Variants in C1GALT1 observed in about 807,000 individuals in gnomAD.
The protein encoded by C1GALT1 is core 1 synthase, glycoprotein-N-acetylgalactosamine 3-beta-galactosyltransferase 1.
C1GALT1 carries 11 observed loss-of-function variants against 31.0 expected under a neutral mutation model. The observed-to-expected ratio is 0.36, with a 90% CI of 0.22 to 0.59. C1GALT1 has a LOEUF of 0.59. Ranked by LOEUF, C1GALT1 falls within the 20% of genes least tolerant of loss-of-function variation. The pLI, the probability that C1GALT1 is intolerant of heterozygous loss-of-function variation, is 0.79. For synonymous variants in C1GALT1, 175 were observed against 143.6 expected, an observed-to-expected ratio of 1.22 and a Z score of -1.56; for missense variants, 424 against 425.2, an observed-to-expected ratio of 1.00 and a Z score of 0.03.
chr7:7,178,141 G>C (rs1780524930), upstream of C1GALT1: 1 of 201,606 alleles, frequency 5.0e-6, no homozygotes, highest in South Asian at 8.9e-5. Flanking sequence ...TTCTGCAACA[G>C]AGGGCTTTGA....
At chr7:7,170,751 C>T (rs1296064105) in intron 2 of C1GALT1, among the ~76,000 whole-genome samples, 1 of 152,210 alleles carries the variant, frequency 6.6e-6, no homozygotes, top group Non-Finnish European at 1.5e-5. Context: ...CACTGCACTC[C>T]AGCCTGGGTG....
At chr7:7,187,420 C>T (rs202147977) in intron 1 of C1GALT1, among the ~76,000 whole-genome samples, 8 of 145,710 alleles carry the variant, frequency 5.5e-5, no homozygotes, top group Non-Finnish European at 1.1e-4. Context: ...CAGCTAATTT[C>T]TTTTTTTTTT....
At chr7:7,168,194 G>A (rs1355941775) in intron 2 of C1GALT1, among the ~76,000 whole-genome samples, 1 of 152,186 alleles carries the variant, frequency 6.6e-6, no homozygotes, top group Non-Finnish European at 1.5e-5. Flanking sequence ...GACAGAAATT[G>A]GAAATTTAGA....
intron 2 of C1GALT1, among the ~76,000 whole-genome samples, chr7:7,165,910 T>C (rs1382532968): frequency 2.6e-5 from 4 of 152,178 alleles, no homozygotes; most frequent in African/African-American, 9.7e-5. Flanking sequence ...CATCAGGTTA[T>C]GTGTATAAGG....
At chr7:7,230,622 CTTTTT>C (rs57276821) in intron 1 of C1GALT1, among the ~76,000 whole-genome samples, 2 of 121,516 alleles carry the variant, frequency 1.6e-5, no homozygotes, top group Non-Finnish European at 3.4e-5. Flanking sequence ...TCTATATTCC[CTTTTT>C]TTTTTTTTTT....
chr7:7,212,281 C>G (rs1782041401), intron 1 of C1GALT1, among the ~76,000 whole-genome samples: 1 of 151,270 alleles, frequency 6.6e-6, no homozygotes, highest in Non-Finnish European at 1.5e-5. Context: ...ACTGTGTAGA[C>G]AAGGTATGAT....
rs1239049745 is a variant in C1GALT1 at position 7,234,493 on chromosome 7, T to C, written c.174T>C (p.His58=). The C allele has an allele frequency of 1.2e-6, 2 of 1,613,824 alleles. No homozygotes were observed. Among genetic ancestry groups the C allele is most frequent in the Non-Finnish European group, 1.7e-6 (2 of 1,179,784 alleles). ...ATTCAGATGATAATGGACAGAATCA[T>C]CTAGAAGGACAAATGAACTTCAATG... ...ARHSDDNGQN[H]LEGQMNFNAD... Residue 58 remains histidine, a synonymous_variant, in exon 2 of 4, where the codon CAT becomes CAC. Coordinates refer to ENST00000436587, the MANE Select transcript of C1GALT1 (RefSeq NM_020156.5).
chr7:7,198,472 A>T (rs1781395312), intron 1 of C1GALT1, among the ~76,000 whole-genome samples: 1 of 152,188 alleles, frequency 6.6e-6, no homozygotes. Context: ...CATATTCATC[A>T]GGGATATTGG....
chr7:7,178,456 A>T (rs1261806592), upstream of C1GALT1: 1 of 164,366 alleles, frequency 6.1e-6, no homozygotes, highest in Non-Finnish European at 1.4e-5. Context: ...GTTTCAAGAC[A>T]TGGTTTAATT....
chr7:7,196,940 T>C (rs1781316824), intron 1 of C1GALT1, among the ~76,000 whole-genome samples: 1 of 151,494 alleles, frequency 6.6e-6, no homozygotes, highest in African/African-American at 2.4e-5. Flanking sequence ...ATTTGGATAT[T>C]AGCCCTTTAT....
chr7:7,170,285 C>T (rs895295355), intron 2 of C1GALT1, among the ~76,000 whole-genome samples: 5 of 152,110 alleles, frequency 3.3e-5, no homozygotes, highest in Non-Finnish European at 5.9e-5. Flanking sequence ...TTATTGATCT[C>T]TGCTCTAATC....
At chr7:7,187,036 A>G (rs182189969) in intron 1 of C1GALT1, among the ~76,000 whole-genome samples, 6 of 152,186 alleles carry the variant, frequency 3.9e-5, no homozygotes. Context: ...AGGCTAAAGG[A>G]AGGGGAAAGT....
intron 1 of C1GALT1, among the ~76,000 whole-genome samples, chr7:7,211,556 G>A (rs538007004): frequency 5.9e-5 from 9 of 152,208 alleles, no homozygotes; most frequent in African/African-American, 2.2e-4. Flanking sequence ...AGGTGCTACC[G>A]TGTGTATCCC....
At chr7:7,161,946 C>G (rs986294352) in intron 2 of C1GALT1, among the ~76,000 whole-genome samples, 3 of 152,018 alleles carry the variant, frequency 2.0e-5, no homozygotes, top group African/African-American at 7.2e-5. Context: ...ATTCTACTCT[C>G]TCATTAAATG....
chr7:7,166,354 A>G (rs781193516), intron 2 of C1GALT1, among the ~76,000 whole-genome samples: 4 of 152,242 alleles, frequency 2.6e-5, no homozygotes, highest in Non-Finnish European at 4.4e-5. Context: ...AAACATAACA[A>G]TATGGTTTAA....
chr7:7,185,389 C>G (rs1009947128), intron 1 of C1GALT1, among the ~76,000 whole-genome samples: 2 of 152,078 alleles, frequency 1.3e-5, no homozygotes, highest in Non-Finnish European at 2.9e-5. Flanking sequence ...TCTAGGGCTG[C>G]GGTAACAAAA....
chr7:7,221,418 GTTTGTT>G (rs1392305117), intron 1 of C1GALT1, among the ~76,000 whole-genome samples: 6 of 152,108 alleles, frequency 3.9e-5, no homozygotes, highest in South Asian at 2.1e-4. Context: ...GTGGTATGTT[GTTTGTT>G]TTTAAGTTTT....
chr7:7,211,773 T>C (rs6955953), intron 1 of C1GALT1, among the ~76,000 whole-genome samples: 6,201 of 152,286 alleles, frequency 0.041, 283 homozygotes, highest in African/African-American at 0.12. Flanking sequence ...TTTCCCACAA[T>C]TAGTATAGTG....
chr7:7,190,236 G>A (rs1282619999), intron 1 of C1GALT1, among the ~76,000 whole-genome samples: 2 of 152,118 alleles, frequency 1.3e-5, no homozygotes, highest in Admixed American at 6.5e-5. Flanking sequence ...TTAAAGCACG[G>A]CAAGACTGTG....
Sources: gnomAD v4.1 joint callset for allele counts (sites outside exome capture counted in the v4.1 genomes callset) on GRCh38, gnomAD v4.1.1 for gene constraint, MANE v1.5 for transcripts, NCBI Gene and HGNC (gene_info 2026-07-23, HGNC 2026-07-21) for gene names.